The following LRP1 variants were observed in gnomAD, a reference collection of about 807,000 sequenced individuals.
LRP1 encodes LDL receptor related protein 1.
Under a neutral mutation model 541.5 loss-of-function variants are expected in LRP1, and 51 were observed. That is an observed-to-expected ratio of 0.09 (90% CI 0.08 to 0.12). LRP1 has a LOEUF of 0.12. Ranked by LOEUF, LRP1 falls within the 10% of genes least tolerant of loss-of-function variation. LRP1 has a pLI of 1.00. For missense variants in LRP1, 3,878 were observed against 6,376.2 expected (o/e 0.61, Z 13.34); for synonymous variants, 2,219 against 2,470.8 (o/e 0.90, Z 3.02).
In LRP1 at chr12:57,195,339, C is replaced by G. The variant is rs746635334; in HGVS notation, c.8377C>G (p.Leu2793Val). ...CCACGTGTGCGTCCCCGAGCGCTGG[C>G]TCTGTGACGGTGACAAAGACTGTGC... ...GTHVCVPERW[L>V]CDGDKDCADG... The change falls in exon 52 of 89, where the codon CTC (leucine) becomes GTC (valine). Residue 2793 changes from leucine to valine, a missense_variant. Around this residue, in one of 13 missense-constraint regions of LRP1, gnomAD observed 1,100 missense variants for 1,827.4 expected, o/e 0.60. Transcript: ENST00000243077. 2 of 1,612,750 alleles carry G rather than the reference C, an allele frequency of 1.2e-6. No individual in the cohort carries two copies. Among genetic ancestry groups the G allele is most frequent in the Non-Finnish European group, 1.7e-6 (2 of 1,180,032 alleles).
At chr12:57,157,188 A>G (rs193014950) in intron 10 of LRP1, among the ~76,000 whole-genome samples, 44 of 152,366 alleles carry the variant, frequency 2.9e-4, no homozygotes, top group Non-Finnish European at 5.9e-4. Flanking sequence ...CATGTTTGGC[A>G]CTGTTCTGGT....
chr12:57,166,511 T>C (rs1256090648), intron 17 of LRP1: 4 of 412,882 alleles, frequency 9.7e-6, no homozygotes, highest in Non-Finnish European at 1.8e-5. Context: ...CAGTGAGCCA[T>C]GGTCATGCCA....
At chr12:57,196,653 A>G (rs1396888421) in intron 55 of LRP1, among the ~76,000 whole-genome samples, 1 of 152,190 alleles carries the variant, frequency 6.6e-6, no homozygotes, top group Non-Finnish European at 1.5e-5. Flanking sequence ...AGAGGAGTCC[A>G]AAGTCTGAGC....
intron 42 of LRP1, among the ~76,000 whole-genome samples, chr12:57,188,293 G>T (rs1315547471): frequency 2.6e-5 from 4 of 152,192 alleles, no homozygotes; most frequent in Non-Finnish European, 5.9e-5. Flanking sequence ...CCACATGTTA[G>T]CAACATTTTT....
chr12:57,166,863 T>C (rs2035850353), intron 17 of LRP1, 67 bp from the exon 18 acceptor site: 1 of 826,652 alleles, frequency 1.2e-6, no homozygotes, highest in South Asian at 1.5e-5. Context: ...CAGAGAATAA[T>C]AGGGAAGAAG....
chr12:57,211,333 T>C lies in LRP1; in HGVS notation c.13074T>C (p.Ser4358=), dbSNP rs1197946163. The C allele has an allele frequency of 3.7e-6, 6 of 1,613,886 alleles. No individual in the cohort carries two copies. In the South Asian group the frequency reaches 5.5e-5, roughly 15 times the overall value. The change falls in exon 84 of 89, where the codon AGT becomes AGC. Residue 4358 remains serine, a synonymous_variant. Coordinates refer to ENST00000243077, the MANE Select transcript of LRP1 (RefSeq NM_002332.3). The surrounding 1 kb of genome is among the most constrained non-coding windows in gnomAD (Gnocchi z 4.3). ...LEGACVVNKQ[S]GDVTCNCTDG... is the part of the protein sequence containing the mutation. ...GGGCCTGTGTGGTCAACAAGCAGAG[T>C]GGGGATGTCACCTGCAAGTGAGTGG...
chr12:57,147,848 T>C (rs1440951923), intron 6 of LRP1, among the ~76,000 whole-genome samples: 3 of 152,162 alleles, frequency 2.0e-5, no homozygotes. Context: ...GGCCCTGCAG[T>C]GTGTGAACAT....
At position 57,158,103 on chromosome 12, in the gene LRP1, T is replaced by C. The variant is rs2035657129; in HGVS notation, c.1562-299T>C. 6.6e-6 allele frequency among the ~76,000 whole-genome samples: 1 copy of C among 152,150 alleles called. No homozygotes were observed. Among genetic ancestry groups the C allele is most frequent in the Non-Finnish European group, 1.5e-5 (1 of 68,012 alleles). ...ATGTGACTCCAACATATTTTGAAGG[T>C]ACTCCTTTTATACCACTGATTTCAT... On this transcript the variant is annotated intron_variant, in intron 10 of 88. Transcript: ENST00000243077. This position sits in a 1 kb window ranked among gnomAD's most constrained non-coding sequence, Gnocchi z 5.3.
chr12:57,190,391 G>A (rs577518065), intron 42 of LRP1, among the ~76,000 whole-genome samples: 4 of 152,328 alleles, frequency 2.6e-5, no homozygotes, highest in African/African-American at 7.2e-5. Flanking sequence ...TGCGAGGCAG[G>A]TGGTGCTACC....
chr12:57,202,492 G>A lies in LRP1; in HGVS notation c.10666G>A (p.Asp3556Asn). 6.2e-7 allele frequency: 1 copy of A among 1,613,538 alleles called. No homozygotes were observed. Among genetic ancestry groups the A allele is most frequent in the African/African-American group, 1.3e-5 (1 of 75,028 alleles). Residue 3556 changes from aspartate (D) to asparagine (N), a missense_variant, in exon 68 of 89, where the codon GAC becomes AAC. Around this residue, in one of 13 missense-constraint regions of LRP1, gnomAD observed 278 missense variants for 536.3 expected, o/e 0.52. Transcript: ENST00000243077. ...NRCVPGRWQCDYDNDCGDNSD... is the reference protein window; with the variant it reads ...NRCVPGRWQCNYDNDCGDNSD... ...CTGCGTGCCCGGCCGCTGGCAGTGC[G>A]ACTACGACAACGATTGCGGTGACAA...
chr12:57,155,561 A>G (rs1006924708), intron 8 of LRP1: 10 of 154,016 alleles, frequency 6.5e-5, no homozygotes, highest in African/African-American at 2.4e-4. Context: ...TTCTTTAAAG[A>G]CATGCTCTGT....
rs199896480 is a variant in LRP1, at chr12:57,156,866, A to G, written c.1507A>G (p.Thr503Ala). The part of the protein sequence containing the change: ...CLLANSHKAR[T>A]CRCRSGFSLG... Reference sequence around the variant, plus strand: ...GCTGGCCAACAGCCACAAGGCGCGGACCTGCCGCTGCCGTTCCGGCTTCAG... The same window carrying G: ...GCTGGCCAACAGCCACAAGGCGCGGGCCTGCCGCTGCCGTTCCGGCTTCAG... The change falls in exon 10 of 89, where the codon ACC becomes GCC. Residue 503 changes from threonine (T) to alanine (A), a missense_variant. Around this residue, in one of 13 missense-constraint regions of LRP1, gnomAD observed 496 missense variants for 861.0 expected, o/e 0.58. Transcript: ENST00000243077. The surrounding 1 kb of genome is among the most constrained non-coding windows in gnomAD (Gnocchi z 5.2). 3.8e-6 allele frequency: 6 copies of G among 1,576,102 alleles called. No individual in the cohort carries two copies. Among genetic ancestry groups the G allele is most frequent in the Non-Finnish European group, 5.1e-6 (6 of 1,165,276 alleles).
intron 44 of LRP1, among the ~76,000 whole-genome samples, chr12:57,191,846 ACAC>A (rs2036395040): frequency 1.1e-4 from 1 of 8,986 alleles, no homozygotes; most frequent in African/African-American, 5.4e-4. Context: ...TACCACACAC[ACAC>A]CACACACCAC....
rs1357665216 is a variant in LRP1, at chr12:57,211,380, C to T, written c.13091+30C>T. ...GTGGGGCCCTCCTCCACAGTTCCAC[C>T]CAGCTGGGCCCCTGCCCTGTCCTAG... On this transcript the variant is annotated intron_variant, in intron 84 of 88. Transcript: ENST00000243077. This position sits in a 1 kb window ranked among gnomAD's most constrained non-coding sequence, Gnocchi z 4.3. 1.1e-5 allele frequency: 17 copies of T among 1,611,904 alleles called. No homozygotes were observed. Among genetic ancestry groups the T allele is most frequent in the Admixed American group, 1.7e-5 (1 of 59,968 alleles).
chr12:57,141,603 T>C lies in LRP1; in HGVS notation c.328+92T>C, dbSNP rs2035293939. On this transcript the variant is annotated intron_variant, in intron 3 of 88. Transcript: ENST00000243077. ...ACTGTCCTGGCACCTTCAGTGGGGA[T>C]GAGGCCTTGTCCTGGTCCCCTGCCT... 3.4e-6 allele frequency: 5 copies of C among 1,481,900 alleles called. No homozygotes were observed. In the South Asian group the frequency reaches 3.6e-5, roughly 11 times the overall value. The allele number at this position is 1,481,900 out of a possible 1,614,324, so 91.8% of individuals were successfully genotyped here. A position where few individuals can be genotyped will look rare whatever the true frequency, so the allele number is the denominator to read the frequency against.
rs34010163 is a variant in LRP1 at position 57,177,947 on chromosome 12, CTT to C, written c.4361+374_4361+375del. The stretch of plus-strand genomic sequence containing the variant: ...CCCAGGGAGGGTGCCTTTTTCTTTT[CTT>C]TTTTTTTTTTTTTTTTTGAGACAGA... On this transcript the variant is annotated intron_variant, in intron 26 of 88. Coordinates refer to ENST00000243077, the MANE Select transcript of LRP1 (RefSeq NM_002332.3). The surrounding 1 kb of genome is among the most constrained non-coding windows in gnomAD (Gnocchi z 6.8). Among the ~76,000 whole-genome samples, 88 of 121,340 alleles carry C rather than the reference CTT, an allele frequency of 7.3e-4. No homozygotes were observed. Among genetic ancestry groups the C allele is most frequent in the Middle Eastern group, 4.1e-3 (1 of 246 alleles). The allele number at this position is 121,340 out of a possible 152,430, so 79.6% of individuals were successfully genotyped here.
chr12:57,194,211 A>G, intron 48 of LRP1, 143 bp from the exon 49 acceptor site: 1 of 1,073,624 alleles, frequency 9.3e-7, no homozygotes, highest in Admixed American at 2.7e-5. Context: ...GGGGGCAGTG[A>G]GCAGATGGTG....
intron 1 of LRP1, among the ~76,000 whole-genome samples, chr12:57,134,207 G>A (rs535903236): frequency 2.6e-5 from 4 of 152,244 alleles, no homozygotes; most frequent in South Asian, 2.1e-4. Context: ...GAGAACAGAC[G>A]GCCCCTGTGT....
intron 70 of LRP1, chr12:57,203,802 G>A (rs2036708859): frequency 9.0e-6 from 4 of 443,546 alleles, no homozygotes; most frequent in African/African-American, 2.0e-5. Flanking sequence ...CCTGAGGGCT[G>A]TGCCCATCTA....
Sources: allele counts gnomAD v4.1 joint callset (sites outside exome capture counted in the v4.1 genomes callset), GRCh38; gene constraint gnomAD v4.1.1; regional missense constraint gnomAD v4.1.1; non-coding constraint Gnocchi (gnomAD v3.1); transcripts MANE v1.5; gene names NCBI Gene and HGNC (gene_info 2026-07-23, HGNC 2026-07-21).